SLC4A4: variants seen among roughly 807,000 people sequenced by gnomAD.
SLC4A4 encodes electrogenic sodium bicarbonate cotransporter 1.
Under a neutral mutation model 111.5 loss-of-function variants are expected in SLC4A4, and 27 were observed. That is an observed-to-expected ratio of 0.24 (90% confidence interval 0.18 to 0.33). SLC4A4 has a LOEUF of 0.33. Ranked by LOEUF, SLC4A4 falls within the 10% of genes least tolerant of loss-of-function variation. SLC4A4 has a pLI of 1.00. For synonymous variants in SLC4A4, 443 were observed against 463.4 expected (o/e 0.96, Z 0.57); for missense variants, 909 against 1,315.5 (o/e 0.69, Z 4.78).
At chr4:71,468,789 T>C (rs1727614927) in intron 13 of SLC4A4, among the ~76,000 whole-genome samples, 1 of 151,748 alleles carries the variant, frequency 6.6e-6, no homozygotes, top group Non-Finnish European at 1.5e-5. Context: ...GTATACTATA[T>C]ACCCCCCTCT....
intron 3 of SLC4A4, among the ~76,000 whole-genome samples, chr4:71,269,765 C>A (rs558894314): frequency 6.6e-6 from 1 of 152,172 alleles, no homozygotes; most frequent in African/African-American, 2.4e-5. Flanking sequence ...ATGAAGAAAG[C>A]AAAATTTGTT....
chr4:71,171,480 T>C (rs1010888486), intron 2 of SLC4A4, among the ~76,000 whole-genome samples: 2 of 152,218 alleles, frequency 1.3e-5, no homozygotes, highest in East Asian at 1.9e-4. Flanking sequence ...GTTCCCTCAA[T>C]TGTAGAACAG....
chr4:71,418,660 A>G (rs190155723), intron 7 of SLC4A4, among the ~76,000 whole-genome samples: 1 of 152,362 alleles, frequency 6.6e-6, no homozygotes, highest in Admixed American at 6.5e-5. Context: ...TCCATTAACA[A>G]CAAAACAAAA....
chr4:71,517,980 T>G (rs1289501588), intron 16 of SLC4A4, among the ~76,000 whole-genome samples: 1 of 151,900 alleles, frequency 6.6e-6, no homozygotes, highest in African/African-American at 2.4e-5. Flanking sequence ...AGAACTTGAG[T>G]CTGTAGGAGT....
intron 7 of SLC4A4, among the ~76,000 whole-genome samples, chr4:71,415,843 G>A (rs1560486809): frequency 6.6e-6 from 1 of 151,962 alleles, no homozygotes; most frequent in Non-Finnish European, 1.5e-5. Flanking sequence ...GCCCCATAGT[G>A]TTCCTCCATT....
chr4:71,441,644 G>A (rs1427906520), intron 8 of SLC4A4, among the ~76,000 whole-genome samples: 1 of 151,984 alleles, frequency 6.6e-6, no homozygotes, highest in Non-Finnish European at 1.5e-5. Context: ...CAGCTCAGAC[G>A]GTCTGAGCAT....
intron 6 of SLC4A4, among the ~76,000 whole-genome samples, chr4:71,380,348 T>G (rs1718002888): frequency 6.6e-6 from 1 of 152,192 alleles, no homozygotes; most frequent in African/African-American, 2.4e-5. Flanking sequence ...ATGAAGGAAC[T>G]GAGGCTCAGT....
intron 14 of SLC4A4, among the ~76,000 whole-genome samples, chr4:71,477,687 A>C (rs1728493245): frequency 6.6e-6 from 1 of 151,810 alleles, no homozygotes; most frequent in Admixed American, 6.6e-5. Context: ...ATTTATTCAA[A>C]AGCATAAATA....
chr4:71,496,613 A>G (rs1286015362), intron 15 of SLC4A4, among the ~76,000 whole-genome samples: 1 of 152,032 alleles, frequency 6.6e-6, no homozygotes, highest in East Asian at 1.9e-4. Context: ...ACAGCTGTGA[A>G]TTAAGAGCAG....
Position 71,367,112 on chromosome 4 carries a change from A to T in SLC4A4, c.730+9925A>T, listed in dbSNP as rs1409431309. On this transcript the variant is annotated intron_variant, in intron 6 of 25. Transcript: ENST00000264485. Reference sequence around the variant, plus strand: ...CTGCCTCAATGGAGGCTGTATACGCAAAAAGAAATTTCCAGCTTTAGTTCC... The same window carrying T: ...CTGCCTCAATGGAGGCTGTATACGCTAAAAGAAATTTCCAGCTTTAGTTCC... 2.6e-5 allele frequency among the ~76,000 whole-genome samples: 4 copies of T among 152,196 alleles called. No homozygotes were observed. The East Asian group carries it at 7.7e-4, about 29-fold the overall frequency.
At chr4:71,139,564 C>T (rs1431650520) in intron 2 of SLC4A4, among the ~76,000 whole-genome samples, 1 of 152,164 alleles carries the variant, frequency 6.6e-6, no homozygotes, top group Non-Finnish European at 1.5e-5. Flanking sequence ...ATGTTCCTGG[C>T]GATTTTCAGC....
At chr4:71,298,000 T>C (rs1182519182) in intron 3 of SLC4A4, among the ~76,000 whole-genome samples, 2 of 152,224 alleles carry the variant, frequency 1.3e-5, no homozygotes. Context: ...CAAGTTCTGC[T>C]TCTGCCACTT....
chr4:71,412,305 G>A (rs1160593601), intron 7 of SLC4A4, among the ~76,000 whole-genome samples: 1 of 152,204 alleles, frequency 6.6e-6, no homozygotes, highest in East Asian at 1.9e-4. Flanking sequence ...TATGGTAACA[G>A]TGTAGTGAGA....
At chr4:71,101,652 C>G (rs1578480136) in intron 2 of SLC4A4, among the ~76,000 whole-genome samples, 2 of 152,168 alleles carry the variant, frequency 1.3e-5, no homozygotes, top group African/African-American at 4.8e-5. Flanking sequence ...CAACCCCCAG[C>G]AGGGGCACAC....
chr4:71,559,205 T>G (rs1396023061), intron 22 of SLC4A4, among the ~76,000 whole-genome samples: 3 of 151,928 alleles, frequency 2.0e-5, no homozygotes, highest in Admixed American at 2.0e-4. Context: ...AACTGCTTAA[T>G]TTGAAGCAAG....
chr4:71,320,159 A>G (rs1274025525), intron 3 of SLC4A4, among the ~76,000 whole-genome samples: 1 of 152,048 alleles, frequency 6.6e-6, no homozygotes, highest in East Asian at 1.9e-4. Context: ...TGCAAGCAAC[A>G]GCACTTCTTT....
intron 1 of SLC4A4, among the ~76,000 whole-genome samples, chr4:71,074,265 T>C (rs1315510662): frequency 6.6e-6 from 1 of 152,188 alleles, no homozygotes; most frequent in Non-Finnish European, 1.5e-5. Context: ...TGTTGAGAGC[T>C]GTAAAGAGGA....
chr4:71,549,241 C>T (rs1735785590), intron 20 of SLC4A4, among the ~76,000 whole-genome samples: 1 of 151,856 alleles, frequency 6.6e-6, no homozygotes, highest in South Asian at 2.1e-4. Flanking sequence ...AATCTGCTGC[C>T]AAATGCTTTA....
chr4:71,112,897 T>C (rs1296429382), intron 2 of SLC4A4, among the ~76,000 whole-genome samples: 1 of 152,210 alleles, frequency 6.6e-6, no homozygotes, highest in Non-Finnish European at 1.5e-5. Flanking sequence ...TTTGTTGAGA[T>C]GACAGGTATC....
Sources: gnomAD v4.1 joint callset for allele counts (sites outside exome capture counted in the v4.1 genomes callset) on GRCh38, gnomAD v4.1.1 for gene constraint, MANE v1.5 for transcripts, NCBI Gene and HGNC (gene_info 2026-07-23, HGNC 2026-07-21) for gene names.